Variants in PEMT observed in about 807,000 individuals in gnomAD.
PEMT encodes the protein phosphatidylethanolamine N-methyltransferase.
Under a neutral mutation model 27.4 loss-of-function variants are expected in PEMT, and 23 were observed. The ratio of observed to expected loss-of-function variants is 0.84; its 90% confidence interval spans 0.60 to 1.19. PEMT has a LOEUF of 1.19. PEMT is among the 50% of genes most tolerant of loss of function. The probability of loss-of-function intolerance (pLI) is 0.00; values close to 1 mark genes in which losing one functional copy is unlikely to be tolerated. For missense variants in PEMT, 307 were observed against 310.1 expected (o/e 0.99, Z 0.07); for synonymous variants, 137 against 139.1 (o/e 0.98, Z 0.11).
chr17:17,526,201 A>G (rs1032995751), intron 2 of PEMT, among the ~76,000 whole-genome samples: 3 of 151,998 alleles, frequency 2.0e-5, no homozygotes, highest in Non-Finnish European at 4.4e-5. Flanking sequence ...CTCCTCCCCA[A>G]ATGCCGGCTC....
intron 2 of PEMT, among the ~76,000 whole-genome samples, chr17:17,566,048 G>C (rs1302332291): frequency 6.6e-6 from 1 of 152,256 alleles, no homozygotes; most frequent in Non-Finnish European, 1.5e-5. Context: ...AGACTCAAGG[G>C]AAGGGTTTTG....
At chr17:17,587,390 T>A (rs1161275468) in intron 1 of PEMT, among the ~76,000 whole-genome samples, 1 of 152,168 alleles carries the variant, frequency 6.6e-6, no homozygotes, top group Non-Finnish European at 1.5e-5. Flanking sequence ...TAATCCTTTA[T>A]CTTTTAAAGG....
chr17:17,577,470 C>T (rs1368619132), intron 1 of PEMT: 1 of 1,033,310 alleles, frequency 9.7e-7, no homozygotes, highest in Non-Finnish European at 1.2e-6. Context: ...CTCGCCCACA[C>T]TCGACAGGGG....
At chr17:17,588,358 C>T (rs1450302864) in intron 1 of PEMT, among the ~76,000 whole-genome samples, 2 of 152,162 alleles carry the variant, frequency 1.3e-5, no homozygotes, top group East Asian at 1.9e-4. Context: ...TACCCCGCAT[C>T]GGCCATCGGA....
chr17:17,570,894 G>A (rs886410447), intron 2 of PEMT: 6 of 985,260 alleles, frequency 6.1e-6, no homozygotes, highest in Admixed American at 1.2e-4. Context: ...GTCCATCCTG[G>A]TCCTTGGACC....
chr17:17,552,529 G>A (rs575774588), intron 2 of PEMT, among the ~76,000 whole-genome samples: 5 of 152,294 alleles, frequency 3.3e-5, no homozygotes, highest in South Asian at 2.1e-4. Context: ...CTCCTCACCC[G>A]CGGCGCACCC....
At chr17:17,522,170 C>T in intron 3 of PEMT, 110 bp downstream of exon 3, 1 of 767,206 alleles carries the variant, frequency 1.3e-6, no homozygotes, top group East Asian at 2.7e-5. Flanking sequence ...GAGCTAACCC[C>T]TGAGTGCTCA....
intron 1 of PEMT, among the ~76,000 whole-genome samples, chr17:17,589,767 C>G (rs1303584998): frequency 6.6e-6 from 1 of 152,162 alleles, no homozygotes; most frequent in African/African-American, 2.4e-5. Flanking sequence ...TTGTATGTTT[C>G]TTTCTTTCTT....
chr17:17,566,356 G>T (rs1910827469), intron 2 of PEMT, among the ~76,000 whole-genome samples: 1 of 152,194 alleles, frequency 6.6e-6, no homozygotes, highest in African/African-American at 2.4e-5. Flanking sequence ...GACGCCTCAG[G>T]GTTCCTCCTC....
intron 3 of PEMT, among the ~76,000 whole-genome samples, chr17:17,521,250 T>C (rs1034343681): frequency 2.0e-5 from 3 of 152,230 alleles, no homozygotes; most frequent in African/African-American, 7.2e-5. Flanking sequence ...TTCTCATTTT[T>C]TGGAGAACCA....
chr17:17,520,133 C>T (rs1444366139), intron 3 of PEMT, among the ~76,000 whole-genome samples: 2 of 152,190 alleles, frequency 1.3e-5, no homozygotes, highest in Admixed American at 6.5e-5. Flanking sequence ...GTTCAGTCGG[C>T]CAGCACCAGC....
intron 3 of PEMT, among the ~76,000 whole-genome samples, chr17:17,517,206 C>T (rs1485812111): frequency 3.3e-5 from 5 of 152,178 alleles, no homozygotes; most frequent in Non-Finnish European, 4.4e-5. Context: ...GCAAAGACCC[C>T]GCCCCCGCAT....
chr17:17,577,423 G>C, intron 1 of PEMT: 1 of 1,012,680 alleles, frequency 9.9e-7, no homozygotes, highest in Non-Finnish European at 1.2e-6. Context: ...CCAGGAATCA[G>C]GTAAAAGCAA....
At chr17:17,583,061 CAA>C (rs1293433045) in intron 1 of PEMT, among the ~76,000 whole-genome samples, 22 of 101,726 alleles carry the variant, frequency 2.2e-4, no homozygotes, top group Admixed American at 4.1e-4. Flanking sequence ...GACTCCATCT[CAA>C]AAAAAAAAAA....
chr17:17,506,440 G>A, intron 5 of PEMT, 139 bp from the exon 6 acceptor site: 8 of 602,046 alleles, frequency 1.3e-5, no homozygotes, highest in Middle Eastern at 4.3e-4. Flanking sequence ...CCGAGCCCAG[G>A]CAGCACTGCC....
chr17:17,530,293 CA>C (rs1322577499), intron 2 of PEMT, among the ~76,000 whole-genome samples: 1 of 152,206 alleles, frequency 6.6e-6, no homozygotes, highest in East Asian at 1.9e-4. Flanking sequence ...GTCAGGAGTT[CA>C]AGACCAGCTT....
At chr17:17,565,407 A>G (rs1165633282) in intron 2 of PEMT, 3 of 152,424 alleles carry the variant, frequency 2.0e-5, no homozygotes, top group Non-Finnish European at 4.4e-5. Context: ...AAACAAGGGA[A>G]ACTCCCCTGG....
In PEMT at chr17:17,586,292, A is replaced by AAAGAAAG. The variant is rs1567759756; in HGVS notation, c.96+5238_96+5239insCTTTCTT. Among the ~76,000 whole-genome samples, 665 of 106,902 alleles carry AAAGAAAG rather than the reference A, an allele frequency of 6.2e-3. 4 individuals are homozygous for AAAGAAAG. Among genetic ancestry groups the AAAGAAAG allele is most frequent in the African/African-American group, 0.013 (241 of 18,144 alleles). 70.1% of individuals were successfully genotyped at this position (106,902 alleles called of 152,430 possible). ...AGAAAGAAAGAAAGAAAGAAAGAAAAAAAAAAACGCAGGTGGAAAATCGGG... is the reference window on the plus strand; with the variant it reads ...AGAAAGAAAGAAAGAAAGAAAGAAAAAAGAAAGAAAAAAACGCAGGTGGAAAATCGGG... On this transcript the variant is annotated intron_variant, in intron 1 of 6. Coordinates refer to ENST00000255389, the MANE Select transcript of PEMT (RefSeq NM_148172.3).
chr17:17,552,960 G>A (rs989930725), intron 2 of PEMT, among the ~76,000 whole-genome samples: 3 of 152,176 alleles, frequency 2.0e-5, no homozygotes, highest in East Asian at 1.9e-4. Context: ...CCAGCGCCCC[G>A]TGAGTCCACT....
Sources: allele counts gnomAD v4.1 joint callset (sites outside exome capture counted in the v4.1 genomes callset), GRCh38; gene constraint gnomAD v4.1.1; transcripts MANE v1.5; gene names NCBI Gene and HGNC (gene_info 2026-07-23, HGNC 2026-07-21).